The following ZNF746 variants were observed in gnomAD, a reference collection of about 807,000 sequenced individuals.
The protein encoded by ZNF746 is zinc finger protein 746.
In ZNF746, 13 loss-of-function variants were observed where a neutral mutation model predicts 41.0. That is an observed-to-expected ratio of 0.32 (90% CI 0.21 to 0.50). The LOEUF is 0.50. Among genes scored for constraint, ZNF746 ranks in the 20% least tolerant of loss-of-function variants. ZNF746 has a pLI of 0.98. For missense variants in ZNF746, 811 were observed against 922.9 expected (o/e 0.88, Z 1.57); for synonymous variants, 424 against 396.2 (o/e 1.07, Z -0.83).
At chr7:149,496,148 T>C (rs1965620) in intron 1 of ZNF746, among the ~76,000 whole-genome samples, 36,970 of 152,000 alleles carry the variant, frequency 0.24, 4,629 homozygotes, top group Middle Eastern at 0.35. Context: ...TGCATTATTA[T>C]GGGCTTTGTG....
At chr7:149,487,419 T>G (rs1800659971) in intron 4 of ZNF746, among the ~76,000 whole-genome samples, 1 of 152,222 alleles carries the variant, frequency 6.6e-6, no homozygotes, top group Non-Finnish European at 1.5e-5. Context: ...TACTTAAGGC[T>G]GAAACTCTAG....
Position 149,494,389 on chromosome 7 carries a change from C to A in ZNF746, c.139G>T (p.Ala47Ser), listed in dbSNP as rs747133900. The A allele has an allele frequency of 6.2e-7, 1 of 1,614,030 alleles. No individual in the cohort carries two copies. Among genetic ancestry groups the A allele is most frequent in the South Asian group, 1.1e-5 (1 of 91,082 alleles). The stretch of plus-strand genomic sequence containing the variant: ...TCCACGGCTGTCTTCTCGCAATCAG[C>A]CAGCTTCTTCTCGGCCATCCCGGTT... ...GRTGMAEKKL[A>S]DCEKTAVEFG... Residue 47 changes from alanine to serine, a missense_variant, in exon 2 of 7, where the codon GCT (alanine) becomes TCT (serine). Physicochemically the swap from Ala to Ser is moderately conservative, Grantham distance 99. Around this residue, in one of 4 missense-constraint regions of ZNF746, gnomAD observed 147 missense variants for 233.4 expected, o/e 0.63. Coordinates refer to ENST00000458143, the MANE Select transcript of ZNF746 (RefSeq NM_001394198.1). The surrounding 1 kb of genome is among the most constrained non-coding windows in gnomAD (Gnocchi z 5.6).
At chr7:149,481,074 G>C (rs999480867) in intron 4 of ZNF746, among the ~76,000 whole-genome samples, 3 of 152,150 alleles carry the variant, frequency 2.0e-5, no homozygotes, top group Non-Finnish European at 4.4e-5. Flanking sequence ...AGACCTAAAA[G>C]CAGGGAAAGA....
intron 1 of ZNF746, among the ~76,000 whole-genome samples, chr7:149,496,054 C>T (rs1365139528): frequency 1.3e-5 from 2 of 152,146 alleles, no homozygotes; most frequent in Non-Finnish European, 2.9e-5. Context: ...TCACGTGATC[C>T]CAGACGCCAA....
chr7:149,481,885 A>G (rs1003489061), intron 4 of ZNF746, among the ~76,000 whole-genome samples: 3 of 152,218 alleles, frequency 2.0e-5, no homozygotes, highest in Non-Finnish European at 4.4e-5. Context: ...ACCATAATCA[A>G]TGTAAATGGT....
At chr7:149,495,676 T>C (rs1260086928) in intron 1 of ZNF746, among the ~76,000 whole-genome samples, 1 of 152,158 alleles carries the variant, frequency 6.6e-6, no homozygotes, top group Non-Finnish European at 1.5e-5. Context: ...TAGAAACCAG[T>C]GTGGATTCAC....
chr7:149,496,426 G>C (rs1055478188), intron 1 of ZNF746, among the ~76,000 whole-genome samples: 2 of 152,164 alleles, frequency 1.3e-5, no homozygotes, highest in Non-Finnish European at 2.9e-5. Context: ...CTGATGGTAA[G>C]AGGAGCCGGA....
rs545158066 is a variant in ZNF746 at position 149,482,898 on chromosome 7, C to G, written c.566-5143G>C. Among the ~76,000 whole-genome samples, 3 of 152,202 alleles carry G rather than the reference C, an allele frequency of 2.0e-5. No homozygotes were observed. The South Asian group carries it at 6.2e-4, about 32-fold the overall frequency. On this transcript the variant is annotated intron_variant, in intron 4 of 6. Transcript: ENST00000458143. ...ATATATCTCTCTGTAATTGATAAATCTAGCCAACTAAAGGTTATATAAAAT... is the reference window on the plus strand; with the variant it reads ...ATATATCTCTCTGTAATTGATAAATGTAGCCAACTAAAGGTTATATAAAAT...
chr7:149,474,040 G>T lies in ZNF746; in HGVS notation c.*344C>A, dbSNP rs567297684. On this transcript the variant is annotated 3_prime_UTR_variant, in exon 7 of 7. Transcript: ENST00000458143. This position sits in a 1 kb window ranked among gnomAD's most constrained non-coding sequence, Gnocchi z 6.3. Reference sequence around the variant, plus strand: ...CAGTGAGATAGTGACAGAAATGCACGCCCTGAAAACCAAAAGTACCTACAA... The same window carrying T: ...CAGTGAGATAGTGACAGAAATGCACTCCCTGAAAACCAAAAGTACCTACAA... 6.1e-6 allele frequency: 2 copies of T among 325,708 alleles called. No homozygotes were observed. The highest frequency in any genetic ancestry group is 1.2e-5 in the Non-Finnish European group (2 of 170,038). The allele number at this position is 325,708 out of a possible 1,614,324, so 20.2% of individuals were successfully genotyped here. A position where few individuals can be genotyped will look rare whatever the true frequency, so the allele number is the denominator to read the frequency against.
chr7:149,493,882 T>C (rs1182285856), intron 3 of ZNF746, 107 bp downstream of exon 3: 35 of 1,572,834 alleles, frequency 2.2e-5, no homozygotes, highest in Non-Finnish European at 3.0e-5. Flanking sequence ...AGGTCAACAA[T>C]GTTTCTGGTG....
Position 149,473,890 on chromosome 7 carries a change from G to A in ZNF746, c.*494C>T, listed in dbSNP as rs568785315. The A allele has an allele frequency of 4.1e-5, 7 of 172,184 alleles. No homozygotes were observed. The East Asian group carries it at 5.3e-4, about 13-fold the overall frequency. The allele number at this position is 172,184 out of a possible 1,614,324, so 10.7% of individuals were successfully genotyped here. A position where few individuals can be genotyped will look rare whatever the true frequency, so the allele number is the denominator to read the frequency against. On this transcript the variant is annotated 3_prime_UTR_variant, in exon 7 of 7. Coordinates refer to ENST00000458143, the MANE Select transcript of ZNF746 (RefSeq NM_001394198.1). ...GGACCCAATGGCCCTCACTGCCCAG[G>A]GGCTTGGTGCGCTAGGCCCACTCAG...
intron 4 of ZNF746, 130 bp downstream of exon 4, chr7:149,492,729 C>G (rs1196729162): frequency 4.3e-6 from 3 of 701,918 alleles, no homozygotes; most frequent in Non-Finnish European, 7.6e-6. Flanking sequence ...ATAAAAAACT[C>G]AAGACATAAA....
rs901156241 is a variant in ZNF746, at chr7:149,473,523, G to C, written c.*861C>G. 6.6e-6 allele frequency: 1 copy of C among 152,258 alleles called. No homozygotes were observed. The highest frequency in any genetic ancestry group is 1.5e-5 in the Non-Finnish European group (1 of 68,056). The allele number at this position is 152,258 out of a possible 1,614,324, so 9.4% of individuals were successfully genotyped here. On this transcript the variant is annotated 3_prime_UTR_variant, in exon 7 of 7. Coordinates refer to ENST00000458143, the MANE Select transcript of ZNF746 (RefSeq NM_001394198.1). ...CACACAAAGTGAACAGGAGACAGAA[G>C]CATCTCACGGAGTGGGAGGCAGCCC...
chr7:149,475,366 C>G lies in ZNF746; in HGVS notation c.1001G>C (p.Arg334Pro), dbSNP rs747445861. 4 of 1,614,160 alleles carry G rather than the reference C, an allele frequency of 2.5e-6. No individual in the cohort carries two copies. The highest frequency in any genetic ancestry group is 3.4e-6 in the Non-Finnish European group (4 of 1,180,014). The change falls in exon 7 of 7, where the codon CGG (arginine) becomes CCG (proline). Residue 334 changes from arginine to proline, a missense_variant. By Grantham distance (103) the Arg-to-Pro change is moderately radical. Coordinates refer to ENST00000458143, the MANE Select transcript of ZNF746 (RefSeq NM_001394198.1). ...TTCCTGGGCAGGACTAGGGAAGAAC[C>G]GTGTGGCTTGGCCTGGTCCAAACAG... ...GTLFGPGQAT[R>P]FFPSPAQEGA...
In ZNF746 at chr7:149,474,481, C is replaced by A. The variant is rs775666659; in HGVS notation, c.1886G>T (p.Ser629Ile). 8.1e-6 allele frequency: 13 copies of A among 1,610,746 alleles called. No homozygotes were observed. In the East Asian group the frequency reaches 2.9e-4, roughly 36 times the overall value. ...TPPAPPDPFK[S>I]PASKGPLAST... is the part of the protein sequence containing the mutation. ...GGCCAAAGGTCCTTTGGAGGCGGGG[C>A]TCTTGAAGGGATCAGGAGGTGCGGG... is the stretch of plus-strand genomic sequence containing the variant. The change falls in exon 7 of 7, where the codon AGC (serine) becomes ATC (isoleucine). Residue 629 changes from serine to isoleucine, a missense_variant. By Grantham distance (142) the Ser-to-Ile change is moderately radical. This residue lies in a region of ZNF746 where 99 missense variants were observed against 80.3 expected (regional missense o/e 1.23). Coordinates refer to ENST00000458143, the MANE Select transcript of ZNF746 (RefSeq NM_001394198.1). This position sits in a 1 kb window ranked among gnomAD's most constrained non-coding sequence, Gnocchi z 6.3.
At chr7:149,496,373 T>G (rs1249402164) in intron 1 of ZNF746, among the ~76,000 whole-genome samples, 4 of 152,294 alleles carry the variant, frequency 2.6e-5, no homozygotes, top group African/African-American at 9.6e-5. Context: ...GGGCTGTCCT[T>G]GGACTCCTGC....
In ZNF746 at chr7:149,474,589, C is replaced by T; in HGVS notation, c.1778G>A (p.Arg593His). 1 of 1,612,102 alleles carries T rather than the reference C, an allele frequency of 6.2e-7. No homozygotes were observed. Residue 593 changes from arginine (R) to histidine (H), a missense_variant, in exon 7 of 7, where the codon CGC (arginine) becomes CAC (histidine). By Grantham distance (29) the Arg-to-His change is conservative. Around this residue, in one of 4 missense-constraint regions of ZNF746, gnomAD observed 70 missense variants for 127.6 expected, o/e 0.55. Transcript: ENST00000458143. This position sits in a 1 kb window ranked among gnomAD's most constrained non-coding sequence, Gnocchi z 6.3. The part of the protein sequence containing the change: ...TCTVCGKSFI[R>H]KDHLRKHQRN... Reference sequence around the variant, plus strand: ...CTGGTGCTTGCGGAGGTGGTCCTTGCGGATGAAGCTTTTGCCGCAGACGGT... The same window carrying T: ...CTGGTGCTTGCGGAGGTGGTCCTTGTGGATGAAGCTTTTGCCGCAGACGGT...
In ZNF746 at chr7:149,477,648, C is replaced by T; in HGVS notation, c.673G>A (p.Gly225Arg). ...GGCTCCTCCCCAATATCTGGCTGCCCGGCTGCCCACGCCTCCACGCCCAGG... is the reference window on the plus strand; with the variant it reads ...GGCTCCTCCCCAATATCTGGCTGCCTGGCTGCCCACGCCTCCACGCCCAGG... ...QALGVEAWAA[G>R]QPDIGEEPWG... The change falls in exon 5 of 7, where the codon GGG (glycine) becomes AGG (arginine). Residue 225 changes from glycine to arginine, a missense_variant. By Grantham distance (125) the Gly-to-Arg change is moderately radical. This residue lies in a region of ZNF746 where 495 missense variants were observed against 481.6 expected (regional missense o/e 1.03). Transcript: ENST00000458143. 4.3e-6 allele frequency: 7 copies of T among 1,614,022 alleles called. No homozygotes were observed. The highest frequency in any genetic ancestry group is 5.9e-6 in the Non-Finnish European group (7 of 1,179,962).
At chr7:149,485,341 A>G (rs993284561) in intron 4 of ZNF746, among the ~76,000 whole-genome samples, 1 of 152,220 alleles carries the variant, frequency 6.6e-6, no homozygotes, top group Non-Finnish European at 1.5e-5. Context: ...AATTGCAACC[A>G]TAACCCCAAC....
Sources: gnomAD v4.1 joint callset for allele counts (sites outside exome capture counted in the v4.1 genomes callset) on GRCh38, gnomAD v4.1.1 for gene constraint, gnomAD v4.1.1 regional missense constraint, Gnocchi (gnomAD v3.1) non-coding constraint, MANE v1.5 for transcripts, NCBI Gene and HGNC (gene_info 2026-07-23, HGNC 2026-07-21) for gene names.